Variants in NPEPPS observed in about 807,000 individuals in gnomAD.
NPEPPS encodes the protein aminopeptidase puromycin sensitive.
In NPEPPS, 14 loss-of-function variants were observed where a neutral mutation model predicts 115.5. The ratio of observed to expected loss-of-function variants is 0.12; its 90% CI spans 0.08 to 0.19. The LOEUF (loss-of-function observed/expected upper bound fraction) is 0.19, where lower values mean the gene tolerates loss of function less well. NPEPPS is among the 10% of genes least tolerant of loss of function. The pLI, the probability that NPEPPS is intolerant of heterozygous loss-of-function variation, is 1.00. For missense variants in NPEPPS, 523 were observed against 1,110.8 expected, an observed-to-expected ratio of 0.47 and a Z score of 7.52; for synonymous variants, 285 against 390.6, an observed-to-expected ratio of 0.73 and a Z score of 3.19.
chr17:47,558,534 A>AT (rs767536171), intron 2 of NPEPPS, among the ~76,000 whole-genome samples: 35 of 150,692 alleles, frequency 2.3e-4, no homozygotes, highest in Non-Finnish European at 4.4e-4. Context: ...GGTTCAAGCG[A>AT]TTCTCCTGTT....
At chr17:47,548,005 G>A (rs1011272878) in intron 2 of NPEPPS, among the ~76,000 whole-genome samples, 11 of 152,112 alleles carry the variant, frequency 7.2e-5, no homozygotes, top group African/African-American at 2.7e-4. Context: ...CAGCCTGGGC[G>A]ACAGAGCGAG....
At chr17:47,547,314 TTACAAG>T (rs1909285201) in intron 2 of NPEPPS, among the ~76,000 whole-genome samples, 1 of 152,198 alleles carries the variant, frequency 6.6e-6, no homozygotes, top group Admixed American at 6.6e-5. Context: ...GCATAAACTC[TTACAAG>T]TACATCAGTA....
intron 2 of NPEPPS, among the ~76,000 whole-genome samples, chr17:47,559,838 G>C (rs935116156): frequency 1.3e-5 from 2 of 151,928 alleles, no homozygotes; most frequent in African/African-American, 4.8e-5. Flanking sequence ...TGAACTCCTG[G>C]GCTTAAGCAG....
chr17:47,531,731 T>C (rs1321255450), intron 1 of NPEPPS, among the ~76,000 whole-genome samples, 176 bp downstream of exon 1: 1 of 18,858 alleles, frequency 5.3e-5, no homozygotes, highest in Non-Finnish European at 1.0e-4. Flanking sequence ...GGGCTGGGGC[T>C]GGGGCTGGGG....
chr17:47,585,359 A>T, intron 5 of NPEPPS, 141 bp from the exon 6 acceptor site: 1 of 616,738 alleles, frequency 1.6e-6, no homozygotes, highest in Non-Finnish European at 2.9e-6. Flanking sequence ...AAAGCACTGG[A>T]TGAATTGGGG....
chr17:47,577,577 TAAAGA>T (rs1911592669), intron 3 of NPEPPS, among the ~76,000 whole-genome samples: 1 of 152,196 alleles, frequency 6.6e-6, no homozygotes, highest in Admixed American at 6.5e-5. Flanking sequence ...TCATTCTCTT[TAAAGA>T]AAAAAGTATT....
intron 1 of NPEPPS, among the ~76,000 whole-genome samples, chr17:47,535,104 G>A (rs1191587521): frequency 3.3e-5 from 5 of 149,346 alleles, no homozygotes; most frequent in South Asian, 4.3e-4. Flanking sequence ...TTAGCTGGGC[G>A]TGGTGGCGGG....
Position 47,531,360 on chromosome 17 carries a change from GCCT to G in NPEPPS, c.66_68del (p.Pro23del). The G allele has an allele frequency of 6.6e-7, 1 of 1,506,192 alleles. No individual in the cohort carries two copies. Among genetic ancestry groups the G allele is most frequent in the Non-Finnish European group, 9.0e-7 (1 of 1,115,624 alleles). 93.3% of individuals were successfully genotyped at this position (1,506,192 alleles called of 1,614,324 possible). A position where few individuals can be genotyped will look rare whatever the true frequency, so the allele number is the denominator to read the frequency against. On this transcript the variant is annotated inframe_deletion, in exon 1 of 23. Transcript: ENST00000322157. ...GCCGCCTGCTCTTCCTCGGCCCTCCGCCTCCTCCCCTCCTCCTTCTCGTCTTCA... is the reference window on the plus strand; with the variant it reads ...GCCGCCTGCTCTTCCTCGGCCCTCCGCCTCCCCTCCTCCTTCTCGTCTTCA...
intron 2 of NPEPPS, among the ~76,000 whole-genome samples, chr17:47,568,423 G>A (rs1296295119): frequency 6.6e-6 from 1 of 151,998 alleles, no homozygotes; most frequent in Non-Finnish European, 1.5e-5. Flanking sequence ...CACACGCCTC[G>A]GCCTCCCAAA....
intron 3 of NPEPPS, among the ~76,000 whole-genome samples, chr17:47,577,960 C>T (rs1170966658): frequency 7.2e-5 from 11 of 152,132 alleles, no homozygotes; most frequent in Non-Finnish European, 1.5e-5. Context: ...AATCCCAGCA[C>T]TTAGGGAGGC....
intron 12 of NPEPPS, among the ~76,000 whole-genome samples, chr17:47,593,859 T>C (rs2143882966): frequency 6.6e-6 from 1 of 152,292 alleles, no homozygotes; most frequent in South Asian, 2.1e-4. Flanking sequence ...AGTAAAAATA[T>C]GATATTAAAG....
At chr17:47,618,491 A>G (rs746684860) in intron 20 of NPEPPS, 34 bp downstream of exon 20, 2 of 1,361,146 alleles carry the variant, frequency 1.5e-6, no homozygotes, top group East Asian at 2.3e-5. Flanking sequence ...TTAGAAGTGA[A>G]TCGTTACCCA....
At chr17:47,621,585 G>T (rs1332985134) in intron 22 of NPEPPS, among the ~76,000 whole-genome samples, 183 bp from the exon 23 acceptor site, 1 of 152,132 alleles carries the variant, frequency 6.6e-6, no homozygotes, top group East Asian at 1.9e-4. Flanking sequence ...ATTAAGGGGA[G>T]AATTCCTATA....
intron 3 of NPEPPS, among the ~76,000 whole-genome samples, chr17:47,572,560 G>GGACA (rs1260856927): frequency 6.6e-6 from 1 of 151,858 alleles, no homozygotes; most frequent in Non-Finnish European, 1.5e-5. Flanking sequence ...AACAAGGACA[G>GGACA]GACAGAATGC....
At chr17:47,589,223 A>G (rs1374405949) in intron 9 of NPEPPS, among the ~76,000 whole-genome samples, 1 of 152,032 alleles carries the variant, frequency 6.6e-6, no homozygotes, top group Non-Finnish European at 1.5e-5. Context: ...CTGGGATTAC[A>G]GGCATGAGCT....
intron 2 of NPEPPS, among the ~76,000 whole-genome samples, chr17:47,547,391 G>C (rs565138174): frequency 6.6e-6 from 1 of 151,458 alleles, no homozygotes; most frequent in Non-Finnish European, 1.5e-5. Flanking sequence ...CTGTCACCCA[G>C]GCTGGGGGGC....
At chr17:47,541,736 C>T (rs1246828842) in intron 1 of NPEPPS, among the ~76,000 whole-genome samples, 1 of 151,986 alleles carries the variant, frequency 6.6e-6, no homozygotes, top group East Asian at 1.9e-4. Context: ...TTTTTTTGTT[C>T]AACTTTAGTG....
chr17:47,539,184 T>G lies in NPEPPS; in HGVS notation c.256-6725T>G, dbSNP rs577791595. On this transcript the variant is annotated intron_variant, in intron 1 of 22. Transcript: ENST00000322157. ...TCTGATACAACCTGGGTAAATGTGG[T>G]CTTGAGTAGTAAATTATCTGTGAAG... Among the ~76,000 whole-genome samples the G allele has an allele frequency of 4.0e-5, 6 of 151,606 alleles. No homozygotes were observed. In the South Asian group the frequency reaches 6.3e-4, roughly 16 times the overall value.
At chr17:47,582,496 T>C in intron 4 of NPEPPS, 1 of 424,470 alleles carries the variant, frequency 2.4e-6, no homozygotes, top group South Asian at 1.9e-5. Flanking sequence ...AATTTAGTTG[T>C]AAATAATTAT....
Sources: allele counts gnomAD v4.1 joint callset (sites outside exome capture counted in the v4.1 genomes callset), GRCh38; gene constraint gnomAD v4.1.1; transcripts MANE v1.5; gene names NCBI Gene and HGNC (gene_info 2026-07-23, HGNC 2026-07-21).